Variants in PTPRO observed in about 807,000 individuals in gnomAD.
The protein encoded by PTPRO is receptor-type tyrosine-protein phosphatase O.
Under a neutral mutation model 145.2 loss-of-function variants are expected in PTPRO, and 62 were observed. The ratio of observed to expected loss-of-function variants is 0.43; its 90% confidence interval spans 0.35 to 0.53. The LOEUF (loss-of-function observed/expected upper bound fraction) is 0.53, where lower values mean the gene tolerates loss of function less well. PTPRO is among the 20% of genes least tolerant of loss of function. PTPRO has a pLI of 0.01. For missense variants in PTPRO, 1,345 were observed against 1,482.7 expected, an observed-to-expected ratio of 0.91 and a Z score of 1.53; for synonymous variants, 565 against 514.7, an observed-to-expected ratio of 1.10 and a Z score of -1.32.
chr12:15,376,756 TAGGGTTCTTTTAA>T (rs953464256), intron 1 of PTPRO, among the ~76,000 whole-genome samples: 5 of 152,140 alleles, frequency 3.3e-5, no homozygotes, highest in African/African-American at 1.2e-4. Flanking sequence ...GAGAGTTGTC[TAGGGTTCTTTTAA>T]ATAAAGGCAT....
intron 17 of PTPRO, among the ~76,000 whole-genome samples, chr12:15,564,077 G>T (rs1448702260): frequency 6.6e-6 from 1 of 152,122 alleles, no homozygotes; most frequent in African/African-American, 2.4e-5. Context: ...TTTTTGAGGG[G>T]ATCAGGGAGA....
Position 15,546,635 on chromosome 12 carries a change from TG to T in PTPRO, c.2233del (p.Glu745LysfsTer4). The part of the protein sequence containing the change: ...KTQTSVTLLW[V>X]EEGVADFFEV... ...CAGACTTCAGTGACTTTGCTGTGGG[TG>T]GAAGAGGGAGTAGCTGATTTCTTTG... On this transcript the variant is annotated frameshift_variant, in exon 13 of 27. Transcript: ENST00000281171. LOFTEE classifies it high-confidence loss of function. 1 of 1,613,776 alleles carries T rather than the reference TG, an allele frequency of 6.2e-7. No homozygotes were observed. The highest frequency in any genetic ancestry group is 8.5e-7 in the Non-Finnish European group (1 of 1,179,870).
intron 14 of PTPRO, among the ~76,000 whole-genome samples, chr12:15,550,613 A>G (rs1943430575): frequency 6.6e-6 from 1 of 152,228 alleles, no homozygotes; most frequent in Non-Finnish European, 1.5e-5. Context: ...AGCAGTACTC[A>G]AGCGAAAAAG....
Position 15,500,189 on chromosome 12 carries a change from T to C in PTPRO, c.661+595T>C, listed in dbSNP as rs115283344. On this transcript the variant is annotated intron_variant, in intron 4 of 26. Transcript: ENST00000281171. ...CATCACCAATATAAGCAAAATCGTATGTGCCTAGTATGCCTGAATACTCAA... is the reference window on the plus strand; with the variant it reads ...CATCACCAATATAAGCAAAATCGTACGTGCCTAGTATGCCTGAATACTCAA... 6.9e-3 allele frequency among the ~76,000 whole-genome samples: 1,055 copies of C among 152,218 alleles called. 14 individuals carry two copies. The highest frequency in any genetic ancestry group is 0.024 in the African/African-American group (1,003 of 41,536).
intron 1 of PTPRO, among the ~76,000 whole-genome samples, chr12:15,353,270 T>C (rs949679057): frequency 6.6e-5 from 10 of 151,958 alleles, no homozygotes; most frequent in Non-Finnish European, 1.3e-4. Context: ...CAAGGACAAA[T>C]GGAATTAAAG....
chr12:15,354,554 T>C (rs1303810133), intron 1 of PTPRO, among the ~76,000 whole-genome samples: 2 of 152,194 alleles, frequency 1.3e-5, no homozygotes, highest in Non-Finnish European at 2.9e-5. Context: ...TTTTCCATCA[T>C]AAATCTAAAA....
Position 15,468,147 on chromosome 12 carries a change from G to T in PTPRO, c.76-15827G>T, listed in dbSNP as rs942674698. On this transcript the variant is annotated intron_variant, in intron 1 of 26. Coordinates refer to ENST00000281171, the MANE Select transcript of PTPRO (RefSeq NM_030667.3). ...GTCTGGTTTTTGTTTGCTTGCCTAGGTTCCTCAATTCACCCCATCAGTATT... is the reference window on the plus strand; with the variant it reads ...GTCTGGTTTTTGTTTGCTTGCCTAGTTTCCTCAATTCACCCCATCAGTATT... 4.6e-5 allele frequency among the ~76,000 whole-genome samples: 7 copies of T among 152,040 alleles called. No homozygotes were observed. In the South Asian group the frequency reaches 1.2e-3, roughly 27 times the overall value.
chr12:15,517,570 C>G (rs577414317), intron 9 of PTPRO, among the ~76,000 whole-genome samples: 1 of 152,300 alleles, frequency 6.6e-6, no homozygotes, highest in East Asian at 1.9e-4. Flanking sequence ...GTCCCTTCTG[C>G]CTATGAGTCT....
intron 3 of PTPRO, 131 bp from the exon 4 acceptor site, chr12:15,499,311 A>T: frequency 1.1e-6 from 1 of 913,336 alleles, no homozygotes; most frequent in Non-Finnish European, 1.7e-6. Context: ...CTAACTCTTT[A>T]TTACTGCCCA....
intron 1 of PTPRO, among the ~76,000 whole-genome samples, chr12:15,411,327 A>G (rs1469623922): frequency 6.6e-6 from 1 of 152,160 alleles, no homozygotes; most frequent in Non-Finnish European, 1.5e-5. Context: ...CTATTATTTT[A>G]TGTGAAAATA....
intron 11 of PTPRO, 123 bp downstream of exon 11, chr12:15,525,088 T>C: frequency 2.5e-6 from 3 of 1,216,328 alleles, no homozygotes. Flanking sequence ...TGTTTTAGGC[T>C]CTGGAGATAA....
At position 15,524,878 on chromosome 12, in the gene PTPRO, A is replaced by G; in HGVS notation, c.1956A>G (p.Thr652=). The G allele has an allele frequency of 6.2e-7, 1 of 1,613,464 alleles. No individual in the cohort carries two copies. Among genetic ancestry groups the G allele is most frequent in the African/African-American group, 1.3e-5 (1 of 75,046 alleles). The change falls in exon 11 of 27, where the codon ACA becomes ACG. Residue 652 remains threonine, a synonymous_variant. Transcript: ENST00000281171. ...ACAGTCTGTTATATATCAGTTGGAC[A>G]TATGGGGATGATACAACGGACTTGT... ...YFNSLLYISW[T]YGDDTTDLSH... is the part of the protein sequence containing the mutation.
Position 15,554,598 on chromosome 12 carries a change from C to G in PTPRO, c.2559-2857C>G, listed in dbSNP as rs140714531. On this transcript the variant is annotated intron_variant, in intron 15 of 26. Coordinates refer to ENST00000281171, the MANE Select transcript of PTPRO (RefSeq NM_030667.3). ...GAGTCCAATGTTGAAGGGCAGGAAG[C>G]GTCCAGCACAGGAGAAAGATGTAGG... 2.7e-3 allele frequency among the ~76,000 whole-genome samples: 410 copies of G among 152,190 alleles called. 1 individual carries two copies. Among genetic ancestry groups the G allele is most frequent in the African/African-American group, 9.2e-3 (383 of 41,510 alleles).
intron 19 of PTPRO, among the ~76,000 whole-genome samples, chr12:15,573,232 C>A (rs1944100087): frequency 6.6e-6 from 1 of 152,124 alleles, no homozygotes; most frequent in Admixed American, 6.5e-5. Context: ...AGTTTGAAGG[C>A]AATGGGGAGG....
chr12:15,428,947 A>G (rs577480716), intron 1 of PTPRO, among the ~76,000 whole-genome samples: 1 of 152,328 alleles, frequency 6.6e-6, no homozygotes, highest in South Asian at 2.1e-4. Flanking sequence ...CCTGCATCCC[A>G]GTGTCTAGGA....
At chr12:15,386,079 G>A (rs565000486) in intron 1 of PTPRO, among the ~76,000 whole-genome samples, 2 of 152,094 alleles carry the variant, frequency 1.3e-5, no homozygotes, top group East Asian at 3.9e-4. Context: ...GATCTTTCTA[G>A]CACCCAAAGA....
chr12:15,508,269 A>G (rs1341821643), intron 6 of PTPRO, among the ~76,000 whole-genome samples: 2 of 152,178 alleles, frequency 1.3e-5, no homozygotes, highest in Admixed American at 6.5e-5. Context: ...ACTCTTTGTT[A>G]AAAGAGAAGT....
chr12:15,411,562 T>C (rs1939801453), intron 1 of PTPRO, among the ~76,000 whole-genome samples: 1 of 152,214 alleles, frequency 6.6e-6, no homozygotes, highest in South Asian at 2.1e-4. Flanking sequence ...AGTAGCTGTG[T>C]ATTCGTAGCT....
intron 12 of PTPRO, among the ~76,000 whole-genome samples, chr12:15,537,611 A>G (rs753456820): frequency 4.6e-5 from 7 of 152,214 alleles, no homozygotes; most frequent in Non-Finnish European, 7.3e-5. Context: ...CGGGAAAAAA[A>G]AATCTAAAAT....
Sources: gnomAD v4.1 joint callset for allele counts (sites outside exome capture counted in the v4.1 genomes callset) on GRCh38, gnomAD v4.1.1 for gene constraint, MANE v1.5 for transcripts, NCBI Gene and HGNC (gene_info 2026-07-23, HGNC 2026-07-21) for gene names.